The following NEB variants were observed in gnomAD, a reference collection of about 807,000 sequenced individuals.
NEB encodes the protein nemaline myopathy type 2.
A neutral mutation model predicts 952.2 loss-of-function variants in NEB; 512 were observed. That is an observed-to-expected ratio of 0.54 (90% CI 0.50 to 0.58). The LOEUF (loss-of-function observed/expected upper bound fraction) is 0.58, where lower values mean the gene tolerates loss of function less well. Among genes scored for constraint, NEB ranks in the 20% least tolerant of loss-of-function variants. The pLI is 0.00. For missense variants in NEB, 8,428 were observed against 9,231.1 expected (o/e 0.91, Z 3.56); for synonymous variants, 2,900 against 3,149.8 (o/e 0.92, Z 2.66).
chr2:151,572,278 C>T (rs747055828), intron 107 of NEB, among the ~76,000 whole-genome samples: 4 of 151,920 alleles, frequency 2.6e-5, no homozygotes, highest in African/African-American at 4.8e-5. Flanking sequence ...GCTGAGATCA[C>T]GCCACTGTAC....
intron 173 of NEB, 59 bp downstream of exon 173, chr2:151,496,217 A>AAATC: frequency 6.9e-7 from 1 of 1,444,330 alleles, no homozygotes; most frequent in Non-Finnish European, 9.5e-7. Flanking sequence ...GTATTATTTT[A>AAATC]AATCATAAAA....
At position 151,493,426 on chromosome 2, in the gene NEB, A is replaced by T; in HGVS notation, c.24692T>A (p.Met8231Lys). 1 of 1,605,464 alleles carries T rather than the reference A, an allele frequency of 6.2e-7. No homozygotes were observed. The highest frequency in any genetic ancestry group is 8.5e-7 in the Non-Finnish European group (1 of 1,177,420). Residue 8231 changes from methionine to lysine, a missense_variant, in exon 176 of 182, where the codon ATG (methionine) becomes AAG (lysine). By Grantham distance (95) the Met-to-Lys change is moderately conservative. This residue lies in a region of NEB where 3,374 missense variants were observed against 3,651.5 expected (regional missense o/e 0.92). Coordinates refer to ENST00000397345, the MANE Select transcript of NEB (RefSeq NM_001164508.2). ...NFSSVLYKEN[M>K]RKATPTPVTP... ...AACAGGTGTCGGAGTTGCTTTTCTC[A>T]TGTTCTCTTTGTACAATACCTAGGG...
At position 151,694,643 on chromosome 2, in the gene NEB, T is replaced by C. The variant is rs201797283; in HGVS notation, c.1675-14A>G. 1 of 1,563,010 alleles carries C rather than the reference T, an allele frequency of 6.4e-7. No homozygotes were observed. The highest frequency in any genetic ancestry group is 8.7e-7 in the Non-Finnish European group (1 of 1,152,232). On this transcript the variant is annotated splice_polypyrimidine_tract_variant and intron_variant, in intron 18 of 181. Transcript: ENST00000397345. ...CTTATAAAGATTCTGGACAAAAAAA[T>C]TCAGCAAAGGAATTGGCAAAAGTGA...
chr2:151,691,361 C>A (rs893785591), intron 23 of NEB, among the ~76,000 whole-genome samples: 7 of 152,218 alleles, frequency 4.6e-5, no homozygotes, highest in Non-Finnish European at 7.3e-5. Flanking sequence ...CATCCAGTCA[C>A]TGTCTCACAC....
chr2:151,551,057 C>A (rs1577158694), intron 129 of NEB, among the ~76,000 whole-genome samples: 1 of 151,474 alleles, frequency 6.6e-6, no homozygotes. Flanking sequence ...AACCTCCGCC[C>A]CCTGGGTTCA....
intron 24 of NEB, chr2:151,689,840 A>G (rs758567511): frequency 1.3e-5 from 2 of 152,244 alleles, no homozygotes; most frequent in East Asian, 3.8e-4. Context: ...AAAGTGGCAC[A>G]CGAGCTGAAA....
chr2:151,653,864 A>T, intron 52 of NEB, 128 bp downstream of exon 52: 1 of 551,086 alleles, frequency 1.8e-6, no homozygotes, highest in South Asian at 3.2e-5. Flanking sequence ...ATAAATGAAG[A>T]GGGTAGGAGA....
chr2:151,491,644 G>A (rs1415559085), intron 179 of NEB, 39 bp downstream of exon 179: 1 of 1,437,372 alleles, frequency 7.0e-7, no homozygotes, highest in South Asian at 1.2e-5. Flanking sequence ...CATACTAAAT[G>A]GTGATGTTTA....
intron 124 of NEB, 87 bp from the exon 125 acceptor site, chr2:151,555,131 A>AC (rs2095564739): frequency 4.4e-5 from 41 of 924,084 alleles, no homozygotes; most frequent in South Asian, 1.7e-4. Flanking sequence ...AATGGGAAAA[A>AC]CCCGACTCTG....
chr2:151,616,636 G>A (rs964048763), intron 75 of NEB, among the ~76,000 whole-genome samples: 4 of 152,214 alleles, frequency 2.6e-5, no homozygotes, highest in African/African-American at 7.2e-5. Context: ...GGAGGTTGCA[G>A]TGAACCAAAA....
intron 127 of NEB, among the ~76,000 whole-genome samples, chr2:151,553,081 T>C (rs1232313814): frequency 1.3e-5 from 2 of 152,184 alleles, no homozygotes; most frequent in Non-Finnish European, 2.9e-5. Flanking sequence ...GTCTATAGCA[T>C]TGCAAACACT....
chr2:151,721,883 T>C (rs1470736222), intron 9 of NEB, among the ~76,000 whole-genome samples: 1 of 152,220 alleles, frequency 6.6e-6, no homozygotes, highest in Non-Finnish European at 1.5e-5. Flanking sequence ...TTGTTACACC[T>C]TCTCTATTTC....
intron 141 of NEB, among the ~76,000 whole-genome samples, 176 bp from the exon 142 acceptor site, chr2:151,535,971 G>T (rs1484593054): frequency 1.3e-5 from 2 of 152,198 alleles, no homozygotes; most frequent in Non-Finnish European, 2.9e-5. Context: ...GCAAGGCACA[G>T]TCATAGCTCA....
chr2:151,493,354 G>C lies in NEB; in HGVS notation c.24764C>G (p.Ser8255Trp). The change falls in exon 176 of 182, where the codon TCG (serine) becomes TGG (tryptophan). Residue 8255 changes from serine to tryptophan, a missense_variant and splice_region_variant. Ser to Trp is a radical substitution (Grantham distance 177). This residue lies in a region of NEB where 3,374 missense variants were observed against 3,651.5 expected (regional missense o/e 0.92). Transcript: ENST00000397345. The stretch of plus-strand genomic sequence containing the variant: ...TTTCTTTTTAGTCCTAGAAAATACC[G>C]AGCTAATGTTTTCTTGGTTGCGCTT... ...RAKRNQENISSVLYSDSFRKQ... is the reference protein window; with the variant it reads ...RAKRNQENISWVLYSDSFRKQ... 4 of 1,606,208 alleles carry C rather than the reference G, an allele frequency of 2.5e-6. No homozygotes were observed. The highest frequency in any genetic ancestry group is 3.4e-6 in the Non-Finnish European group (4 of 1,173,558).
At chr2:151,636,368 A>T in intron 63 of NEB, 34 bp from the exon 64 acceptor site, 1 of 1,506,524 alleles carries the variant, frequency 6.6e-7, no homozygotes, top group Non-Finnish European at 9.0e-7. Context: ...AGATGCTGAC[A>T]TTTATATCTA....
intron 157 of NEB, among the ~76,000 whole-genome samples, 198 bp from the exon 158 acceptor site, chr2:151,515,126 A>G (rs1237025530): frequency 6.6e-6 from 1 of 152,192 alleles, no homozygotes; most frequent in East Asian, 1.9e-4. Context: ...AAGGAAATTC[A>G]GGCTGAGACA....
Position 151,538,187 on chromosome 2 carries a change from C to T in NEB, c.20950G>A (p.Ala6984Thr). The T allele has an allele frequency of 6.2e-7, 1 of 1,613,298 alleles. No homozygotes were observed. The highest frequency in any genetic ancestry group is 8.5e-7 in the Non-Finnish European group (1 of 1,179,360). The change falls in exon 139 of 182, where the codon GCC becomes ACC. Residue 6984 changes from alanine to threonine, a missense_variant. By Grantham distance (58) the Ala-to-Thr change is moderately conservative. This residue lies in a region of NEB where 3,374 missense variants were observed against 3,651.5 expected (regional missense o/e 0.92). Coordinates refer to ENST00000397345, the MANE Select transcript of NEB (RefSeq NM_001164508.2). ...TTGCGATGATAGACAATGTCTAGGG[C>T]ATCTTTCACCGTGTGGTATTTCCCT... Reference protein sequence around the residue: ...TKGKYHTVKDALDIVYHRKVT... With the variant: ...TKGKYHTVKDTLDIVYHRKVT...
At chr2:151,509,651 C>G (rs776851201) in intron 161 of NEB, among the ~76,000 whole-genome samples, 1 of 151,904 alleles carries the variant, frequency 6.6e-6, no homozygotes, top group African/African-American at 2.4e-5. Context: ...TTTTTTGAGG[C>G]GGAGTTTCGC....
intron 143 of NEB, among the ~76,000 whole-genome samples, chr2:151,533,147 T>C (rs1576537979): frequency 3.3e-5 from 5 of 152,326 alleles, no homozygotes; most frequent in Admixed American, 3.3e-4. Context: ...ATCTATTTCT[T>C]TGAGGCAAAT....
Sources: gnomAD v4.1 joint callset for allele counts (sites outside exome capture counted in the v4.1 genomes callset) on GRCh38, gnomAD v4.1.1 for gene constraint, gnomAD v4.1.1 regional missense constraint, MANE v1.5 for transcripts, NCBI Gene and HGNC (gene_info 2026-07-23, HGNC 2026-07-21) for gene names.